The following MPV17L variants were observed in gnomAD, a reference collection of about 807,000 sequenced individuals.
MPV17L encodes the protein mpv17-like protein.
In MPV17L, 24 loss-of-function variants were observed where a neutral mutation model predicts 25.8. The observed-to-expected ratio is 0.93, with a 90% CI of 0.67 to 1.31. The LOEUF (loss-of-function observed/expected upper bound fraction) is 1.31, where lower values mean the gene tolerates loss of function less well. Ranked by LOEUF, MPV17L falls within the 50% of genes most tolerant of loss-of-function variation. The probability of loss-of-function intolerance (pLI) is 0.00; values close to 1 mark genes in which losing one functional copy is unlikely to be tolerated. For synonymous variants in MPV17L, 102 were observed against 115.3 expected, an observed-to-expected ratio of 0.88 and a Z score of 0.74; for missense variants, 250 against 265.6, an observed-to-expected ratio of 0.94 and a Z score of 0.41.
Position 15,395,931 on chromosome 16 carries a change from GC to G in MPV17L, c.37del (p.Arg13GlyfsTer44). ...CTGGTGGCCGGCGTTGTCGCGCGCGGCCCGGCGCCACCCGTGGCCCACCAAC... is the reference window on the plus strand; with the variant it reads ...CTGGTGGCCGGCGTTGTCGCGCGCGGCCGGCGCCACCCGTGGCCCACCAAC... Reference protein sequence around the residue: ...AGWWPALSRAARRHPWPTNVL... With the variant: ...AGWWPALSRAXRRHPWPTNVL... On this transcript the variant is annotated frameshift_variant, in exon 1 of 4. Coordinates refer to ENST00000396385, the MANE Select transcript of MPV17L (RefSeq NM_001128423.2). LOFTEE classifies it high-confidence loss of function. 1 of 1,457,630 alleles carries G rather than the reference GC, an allele frequency of 6.9e-7. No individual in the cohort carries two copies. 90.3% of individuals were successfully genotyped at this position (1,457,630 alleles called of 1,614,324 possible). A position where few individuals can be genotyped will look rare whatever the true frequency, so the allele number is the denominator to read the frequency against.
intron 2 of MPV17L, among the ~76,000 whole-genome samples, chr16:15,406,742 A>G (rs908229451): frequency 1.3e-5 from 2 of 152,082 alleles, no homozygotes; most frequent in African/African-American, 4.8e-5. Context: ...CCTGGCCAAC[A>G]TGGTAAAACC....
rs1194019328 is a variant in MPV17L, at chr16:15,397,461, G to T, written c.310+1254G>T. Among the ~76,000 whole-genome samples, 3 of 152,114 alleles carry T rather than the reference G, an allele frequency of 2.0e-5. No homozygotes were observed. The East Asian group carries it at 5.8e-4, about 29-fold the overall frequency. On this transcript the variant is annotated intron_variant, in intron 1 of 3. Coordinates refer to ENST00000396385, the MANE Select transcript of MPV17L (RefSeq NM_001128423.2). The stretch of plus-strand genomic sequence containing the variant: ...GTAAAACAGGCTGATCGCTCAAGTT[G>T]GTTAAATTCTTGTCATCTTTGGAGA...
chr16:15,397,546 C>T (rs1342896796), intron 1 of MPV17L, among the ~76,000 whole-genome samples: 2 of 152,066 alleles, frequency 1.3e-5, no homozygotes, highest in East Asian at 1.9e-4. Flanking sequence ...ATTTCTAGAG[C>T]CTTGAAGGGG....
chr16:15,407,707 A>C (rs1346786360), intron 2 of MPV17L, 117 bp from the exon 3 acceptor site: 2 of 951,852 alleles, frequency 2.1e-6, no homozygotes, highest in Non-Finnish European at 1.5e-6. Context: ...GCACCACTGC[A>C]CTCCAGTCTG....
At chr16:15,406,448 AC>A (rs1411936456) in intron 2 of MPV17L, among the ~76,000 whole-genome samples, 3 of 152,044 alleles carry the variant, frequency 2.0e-5, no homozygotes, top group Non-Finnish European at 4.4e-5. Flanking sequence ...ACATACCAAG[AC>A]TTTTTTTTAA....
At chr16:15,400,280 C>T (rs969789744) in intron 1 of MPV17L, among the ~76,000 whole-genome samples, 1 of 150,946 alleles carries the variant, frequency 6.6e-6, no homozygotes, top group African/African-American at 2.4e-5. Flanking sequence ...TTATACTCTG[C>T]TATTCTCACT....
At chr16:15,399,015 T>C (rs1382720072) in intron 1 of MPV17L, among the ~76,000 whole-genome samples, 1 of 152,006 alleles carries the variant, frequency 6.6e-6, no homozygotes, top group Non-Finnish European at 1.5e-5. Context: ...TCAATTGATC[T>C]TTGTGCTGGG....
rs1284625419 is a variant in MPV17L, at chr16:15,410,955, G to C, written c.*2843G>C. On this transcript the variant is annotated 3_prime_UTR_variant, in exon 4 of 4. Transcript: ENST00000396385. The stretch of plus-strand genomic sequence containing the variant: ...ACATTTTAACATCAAAACGTAGGCC[G>C]GGCACAGTGGCTTACGCCTGTAATC... 1 of 151,968 alleles carries C rather than the reference G, an allele frequency of 6.6e-6. No individual in the cohort carries two copies. Among genetic ancestry groups the C allele is most frequent in the South Asian group, 2.1e-4 (1 of 4,826 alleles). 9.4% of individuals were successfully genotyped at this position (151,968 alleles called of 1,614,324 possible). A position where few individuals can be genotyped will look rare whatever the true frequency, so the allele number is the denominator to read the frequency against.
At chr16:15,404,149 T>C (rs184068003) in intron 2 of MPV17L, among the ~76,000 whole-genome samples, 5 of 152,178 alleles carry the variant, frequency 3.3e-5, no homozygotes, top group Middle Eastern at 3.4e-3. Flanking sequence ...GTTATGCACA[T>C]ACTGGGGGAC....
intron 1 of MPV17L, among the ~76,000 whole-genome samples, chr16:15,396,824 C>T (rs1488514311): frequency 3.3e-5 from 5 of 152,036 alleles, no homozygotes; most frequent in Non-Finnish European, 7.4e-5. Flanking sequence ...CAAGATTTTC[C>T]CCTGGGGTCT....
chr16:15,400,491 C>T (rs1423008682), intron 1 of MPV17L, among the ~76,000 whole-genome samples: 4 of 151,878 alleles, frequency 2.6e-5, no homozygotes, highest in Admixed American at 2.0e-4. Context: ...GCTATGACTA[C>T]AGGCACGCTA....
intron 1 of MPV17L, chr16:15,399,555 A>G (rs573565707): frequency 3.0e-5 from 10 of 330,124 alleles, no homozygotes; most frequent in Non-Finnish European, 5.9e-5. Context: ...ACAGGCACGC[A>G]CCCCTATACC....
chr16:15,404,248 T>C (rs187244290), intron 2 of MPV17L, among the ~76,000 whole-genome samples: 13 of 152,320 alleles, frequency 8.5e-5, no homozygotes, highest in African/African-American at 2.9e-4. Flanking sequence ...ACAGGCAGTT[T>C]GGTGTTCACA....
At chr16:15,399,304 C>T (rs1016964524) in intron 1 of MPV17L, 2 of 411,664 alleles carry the variant, frequency 4.9e-6, no homozygotes, top group Non-Finnish European at 9.5e-6. Context: ...ATATTCCCTC[C>T]CTCCTAATCA....
At chr16:15,403,572 G>A (rs1018375239) in intron 2 of MPV17L, among the ~76,000 whole-genome samples, 3 of 151,556 alleles carry the variant, frequency 2.0e-5, no homozygotes, top group African/African-American at 7.3e-5. Flanking sequence ...TGCTCGGGAG[G>A]CTGAGATGGG....
At position 15,408,490 on chromosome 16, in the gene MPV17L, A is replaced by C. The variant is rs1598427779; in HGVS notation, c.*378A>C. 1 of 165,396 alleles carries C rather than the reference A, an allele frequency of 6.0e-6. No individual in the cohort carries two copies. The highest frequency in any genetic ancestry group is 1.3e-5 in the Non-Finnish European group (1 of 77,224). 10.2% of individuals were successfully genotyped at this position (165,396 alleles called of 1,614,324 possible). A position where few individuals can be genotyped will look rare whatever the true frequency, so the allele number is the denominator to read the frequency against. Reference sequence around the variant, plus strand: ...TTGGGCAGATGAAGTTTTATACCAAAAAATAGTTCTTAGAGTGAATTTTAA... The same window carrying C: ...TTGGGCAGATGAAGTTTTATACCAACAAATAGTTCTTAGAGTGAATTTTAA... On this transcript the variant is annotated 3_prime_UTR_variant, in exon 4 of 4. Coordinates refer to ENST00000396385, the MANE Select transcript of MPV17L (RefSeq NM_001128423.2).
intron 2 of MPV17L, among the ~76,000 whole-genome samples, chr16:15,401,478 A>G (rs2050640060): frequency 6.6e-6 from 1 of 152,148 alleles, no homozygotes; most frequent in African/African-American, 2.4e-5. Flanking sequence ...TGATAGATGT[A>G]TGAGGAGAGG....
At chr16:15,399,117 T>TTTTTTTTTTTTTTTTTTTG (rs2050612322) in intron 1 of MPV17L, among the ~76,000 whole-genome samples, 3 of 151,136 alleles carry the variant, frequency 2.0e-5, no homozygotes, top group Non-Finnish European at 4.4e-5. Context: ...TTAACCTCTC[T>TTTTTTTTTTTTTTTTTTTG]AAGCTCTTTT....
In MPV17L at chr16:15,412,930, T is replaced by C. The variant is rs1350186804; in HGVS notation, c.*4818T>C. On this transcript the variant is annotated 3_prime_UTR_variant, in exon 4 of 4. Transcript: ENST00000396385. Reference sequence around the variant, plus strand: ...ATCATTGCTATAAACCTTATTTGTTTACTGTTTCTCTTCCAAGGACGGTCA... The same window carrying C: ...ATCATTGCTATAAACCTTATTTGTTCACTGTTTCTCTTCCAAGGACGGTCA... 6.6e-6 allele frequency: 1 copy of C among 152,144 alleles called. No individual in the cohort carries two copies. The highest frequency in any genetic ancestry group is 6.6e-5 in the Admixed American group (1 of 15,242). 9.4% of individuals were successfully genotyped at this position (152,144 alleles called of 1,614,324 possible).
Sources: allele counts gnomAD v4.1 joint callset (sites outside exome capture counted in the v4.1 genomes callset), GRCh38; gene constraint gnomAD v4.1.1; transcripts MANE v1.5; gene names NCBI Gene and HGNC (gene_info 2026-07-23, HGNC 2026-07-21).